CYP2C19: variants seen among roughly 807,000 people sequenced by gnomAD.
The protein encoded by CYP2C19 is cytochrome P450 2C19.
A neutral mutation model predicts 40.9 loss-of-function variants in CYP2C19; 59 were observed. The ratio of observed to expected loss-of-function variants is 1.44; its 90% CI spans 1.17 to 1.79. CYP2C19 has a LOEUF of 1.79. Ranked by LOEUF, CYP2C19 falls within the 40% of genes most tolerant of loss-of-function variation. The probability of loss-of-function intolerance (pLI) is 0.00; values close to 1 mark genes in which losing one functional copy is unlikely to be tolerated. For synonymous variants in CYP2C19, 253 were observed against 208.7 expected, an observed-to-expected ratio of 1.21 and a Z score of -1.83; for missense variants, 754 against 596.9, an observed-to-expected ratio of 1.26 and a Z score of -2.74.
chr10:94,829,158 T>G (rs372891724), intron 6 of CYP2C19, among the ~76,000 whole-genome samples: 4 of 152,116 alleles, frequency 2.6e-5, no homozygotes, highest in Admixed American at 6.5e-5. Context: ...TTGCTCTTCT[T>G]GAGGAGTATC....
intron 6 of CYP2C19, among the ~76,000 whole-genome samples, chr10:94,821,008 G>T (rs377754026): frequency 6.6e-6 from 1 of 152,244 alleles, no homozygotes; most frequent in East Asian, 1.9e-4. Context: ...GCTTGAACCC[G>T]GGTGGTGGAG....
intron 5 of CYP2C19, among the ~76,000 whole-genome samples, chr10:94,804,249 C>A (rs558763824): frequency 6.6e-6 from 1 of 152,134 alleles, no homozygotes; most frequent in South Asian, 2.1e-4. Flanking sequence ...AATGTCATCA[C>A]CCAGGAGAAC....
At chr10:94,786,124 G>A (rs1245069299) in intron 5 of CYP2C19, among the ~76,000 whole-genome samples, 1 of 151,788 alleles carries the variant, frequency 6.6e-6, no homozygotes, top group Admixed American at 6.6e-5. Flanking sequence ...TAAACTACCT[G>A]CTCCTTAACC....
intron 5 of CYP2C19, among the ~76,000 whole-genome samples, chr10:94,814,546 G>C (rs942965457): frequency 2.6e-5 from 4 of 151,598 alleles, no homozygotes; most frequent in Non-Finnish European, 5.9e-5. Flanking sequence ...GATAGTATCT[G>C]TGTAGTTTCT....
At chr10:94,818,564 C>A (rs1278972142) in intron 5 of CYP2C19, among the ~76,000 whole-genome samples, 10 of 137,826 alleles carry the variant, frequency 7.3e-5, no homozygotes, top group South Asian at 5.0e-4. Flanking sequence ...CTTTTATTTC[C>A]TTGAGCAGTG....
Position 94,820,580 on chromosome 10 carries a change from A to G in CYP2C19, c.904A>G (p.Thr302Ala), listed in dbSNP as rs1185851204. The change falls in exon 6 of 9, where the codon ACA (threonine) becomes GCA (alanine). Residue 302 changes from threonine (T) to alanine (A), a missense_variant. Transcript: ENST00000371321. ...ADLLGAGTET[T>A]STTLRYALLL... Reference sequence around the variant, plus strand: ...CTTACTTGGAGCTGGGACAGAGACAACAAGCACAACCCTGAGATATGCTCT... The same window carrying G: ...CTTACTTGGAGCTGGGACAGAGACAGCAAGCACAACCCTGAGATATGCTCT... 2.0e-5 allele frequency: 33 copies of G among 1,614,116 alleles called. No homozygotes were observed. Among genetic ancestry groups the G allele is most frequent in the Non-Finnish European group, 2.8e-5 (33 of 1,180,050 alleles).
intron 5 of CYP2C19, among the ~76,000 whole-genome samples, chr10:94,815,928 T>A (rs758225913): frequency 2.6e-5 from 4 of 152,244 alleles, no homozygotes; most frequent in Admixed American, 1.3e-4. Flanking sequence ...AGGCTCATAG[T>A]ATCTAATGAT....
At chr10:94,775,775 C>T in intron 3 of CYP2C19, 1 of 602,504 alleles carries the variant, frequency 1.7e-6, no homozygotes, top group East Asian at 2.9e-5. Flanking sequence ...CCTATGTTCT[C>T]CTGAACTTTG....
intron 5 of CYP2C19, among the ~76,000 whole-genome samples, chr10:94,795,453 G>T (rs138446442): frequency 6.6e-6 from 1 of 151,882 alleles, no homozygotes; most frequent in Non-Finnish European, 1.5e-5. Context: ...GAATAGTGCC[G>T]CAATAAATGT....
At chr10:94,782,700 G>T (rs979814669) in intron 5 of CYP2C19, among the ~76,000 whole-genome samples, 4 of 152,002 alleles carry the variant, frequency 2.6e-5, no homozygotes, top group African/African-American at 9.7e-5. Flanking sequence ...GCCAAGACTT[G>T]GAATCAACCC....
chr10:94,800,550 TC>T (rs1210419430), intron 5 of CYP2C19, among the ~76,000 whole-genome samples: 1 of 152,206 alleles, frequency 6.6e-6, no homozygotes, highest in African/African-American at 2.4e-5. Context: ...AGCACTGCTC[TC>T]TTCAGAGCTG....
chr10:94,794,470 AT>A (rs1848654637), intron 5 of CYP2C19, among the ~76,000 whole-genome samples: 1 of 152,120 alleles, frequency 6.6e-6, no homozygotes, highest in Non-Finnish European at 1.5e-5. Context: ...AGCTCTTCCT[AT>A]TCGGCCACCT....
At chr10:94,808,690 G>C (rs1304196324) in intron 5 of CYP2C19, among the ~76,000 whole-genome samples, 1 of 152,114 alleles carries the variant, frequency 6.6e-6, no homozygotes, top group African/African-American at 2.4e-5. Context: ...TGTGATGTTT[G>C]TCTTTCTGTT....
chr10:94,800,467 C>A (rs1159524278), intron 5 of CYP2C19, among the ~76,000 whole-genome samples: 1 of 152,206 alleles, frequency 6.6e-6, no homozygotes, highest in Non-Finnish European at 1.5e-5. Flanking sequence ...CCCAGTTAGG[C>A]TACACGGGGT....
At chr10:94,827,923 C>G (rs1849257472) in intron 6 of CYP2C19, among the ~76,000 whole-genome samples, 1 of 151,596 alleles carries the variant, frequency 6.6e-6, no homozygotes, top group Non-Finnish European at 1.5e-5. Context: ...CGTTATGTAC[C>G]CAGTAGTCAT....
chr10:94,791,465 C>A (rs1351674802), intron 5 of CYP2C19, among the ~76,000 whole-genome samples: 2 of 152,042 alleles, frequency 1.3e-5, no homozygotes, highest in Admixed American at 1.3e-4. Context: ...GTTAGGGTGT[C>A]AAATTTAGAC....
rs539248491 is a variant in CYP2C19, at chr10:94,820,653, A to G, written c.961+16A>G. ...GAGGTCACAGGTATGATCACAGAGG[A>G]TGAGTTAATTGAGTTTTAGGAAAGA... On this transcript the variant is annotated intron_variant, in intron 6 of 8. Coordinates refer to ENST00000371321, the MANE Select transcript of CYP2C19 (RefSeq NM_000769.4). The G allele has an allele frequency of 7.4e-6, 12 of 1,614,108 alleles. No homozygotes were observed. In the South Asian group the frequency reaches 8.8e-5, roughly 12 times the overall value.
At chr10:94,835,887 A>G (rs1348857841) in intron 6 of CYP2C19, among the ~76,000 whole-genome samples, 3 of 152,196 alleles carry the variant, frequency 2.0e-5, no homozygotes, top group African/African-American at 7.2e-5. Flanking sequence ...GTATTCCATT[A>G]TCACTGACCA....
chr10:94,854,156 T>A lies in CYP2C19; in HGVS notation c.*1242T>A, dbSNP rs1357326950. 6.6e-6 allele frequency among the ~76,000 whole-genome samples: 1 copy of A among 151,920 alleles called. No homozygotes were observed. The highest frequency in any genetic ancestry group is 1.5e-5 in the Non-Finnish European group (1 of 67,964). ...GCCTCAGCCCCCCAAGTAGCTGGGA[T>A]TACAGGTGCCTACCACCACACCAGG... On this transcript the variant is annotated 3_prime_UTR_variant, in exon 9 of 9. Coordinates refer to ENST00000371321, the MANE Select transcript of CYP2C19 (RefSeq NM_000769.4).
Sources: allele counts gnomAD v4.1 joint callset (sites outside exome capture counted in the v4.1 genomes callset), GRCh38; gene constraint gnomAD v4.1.1; transcripts MANE v1.5; gene names NCBI Gene and HGNC (gene_info 2026-07-23, HGNC 2026-07-21).